Variants in CHAT observed in about 807,000 individuals in gnomAD.
CHAT encodes choline O-acetyltransferase, also known as acetyl CoA:choline O-acetyltransferase.
CHAT carries 61 observed loss-of-function variants against 76.9 expected under a neutral mutation model. The ratio of observed to expected loss-of-function variants is 0.79; its 90% CI spans 0.65 to 0.98. The LOEUF (loss-of-function observed/expected upper bound fraction) is 0.98, where lower values mean the gene tolerates loss of function less well. Among genes scored for constraint, CHAT ranks in the 50% least tolerant of loss-of-function variants. CHAT has a pLI of 0.00. For missense variants in CHAT, 946 were observed against 986.9 expected (o/e 0.96, Z 0.56); for synonymous variants, 407 against 397.4 (o/e 1.02, Z -0.29).
In CHAT at chr10:49,646,591, G is replaced by C. The variant is rs8178991; in HGVS notation, c.1198G>C (p.Asp400His). ...CGCGCCAGGAGGCGTGGAGCTCAGC[G>C]ACACCCACAGGGCACTCCAGCTCCT... ...LDAPGGVELS[D>H]THRALQLLHG... The change falls in exon 8 of 15, where the codon GAC becomes CAC. Residue 400 changes from aspartate (D) to histidine (H), a missense_variant. Coordinates refer to ENST00000337653, the MANE Select transcript of CHAT (RefSeq NM_020549.5). 1.9e-6 allele frequency: 3 copies of C among 1,614,130 alleles called. No individual in the cohort carries two copies. The highest frequency in any genetic ancestry group is 2.5e-6 in the Non-Finnish European group (3 of 1,180,054).
intron 11 of CHAT, among the ~76,000 whole-genome samples, chr10:49,652,392 T>TAAGGA (rs1187516545): frequency 6.6e-6 from 1 of 152,108 alleles, no homozygotes; most frequent in Non-Finnish European, 1.5e-5. Context: ...CCAATCTTGC[T>TAAGGA]AAGGAAATGG....
At chr10:49,632,038 G>A (rs1362644702) in intron 7 of CHAT, among the ~76,000 whole-genome samples, 2 of 152,092 alleles carry the variant, frequency 1.3e-5, no homozygotes, top group East Asian at 1.9e-4. Context: ...TTAGAAGCAG[G>A]AACAGTAGAA....
At chr10:49,630,445 T>C (rs1266747586) in intron 7 of CHAT, among the ~76,000 whole-genome samples, 1 of 152,194 alleles carries the variant, frequency 6.6e-6, no homozygotes, top group Non-Finnish European at 1.5e-5. Context: ...CTGGGCTTAC[T>C]GAGGGTCAGA....
rs1839750793 is a variant in CHAT, at chr10:49,648,417, C to A, written c.1282-90C>A. The A allele has an allele frequency of 1.2e-4, 104 of 897,402 alleles. 2 individuals carry two copies. The South Asian group carries it at 1.4e-3, about 12-fold the overall frequency. 55.6% of individuals were successfully genotyped at this position (897,402 alleles called of 1,614,324 possible). ...CTGGTGTCCCTGGAGAAGAGGTGCC[C>A]TGAGAAGCCAGGGGCCTAACCTGGG... On this transcript the variant is annotated intron_variant, in intron 8 of 14. Coordinates refer to ENST00000337653, the MANE Select transcript of CHAT (RefSeq NM_020549.5).
chr10:49,648,266 G>A (rs1301140582), intron 8 of CHAT, among the ~76,000 whole-genome samples: 1 of 152,182 alleles, frequency 6.6e-6, no homozygotes, highest in Admixed American at 6.5e-5. Context: ...CCGGGAACTT[G>A]GGGCTCCACC....
chr10:49,613,685 G>A (rs1838364784), upstream of CHAT, among the ~76,000 whole-genome samples: 1 of 152,054 alleles, frequency 6.6e-6, no homozygotes, highest in Non-Finnish European at 1.5e-5. Flanking sequence ...TATCTGGGGT[G>A]GGGGATGCTT....
rs1456031789 is a variant in CHAT, at chr10:49,614,252, G to C, written c.63G>C (p.Glu21Asp). The C allele has an allele frequency of 6.5e-7, 1 of 1,547,090 alleles. No homozygotes were observed. The highest frequency in any genetic ancestry group is 1.2e-5 in the South Asian group (1 of 83,844). The change falls in exon 1 of 15, where the codon GAG (glutamate) becomes GAC (aspartate). Residue 21 changes from glutamate (E) to aspartate (D), a missense_variant. By Grantham distance (45) the Glu-to-Asp change is conservative (BLOSUM62 2). Coordinates refer to ENST00000337653, the MANE Select transcript of CHAT (RefSeq NM_020549.5). ...LGGGGKWKRE[E>D]GGGTRGRREV... ...GAGGGGGGAAATGGAAGAGAGAGGA[G>C]GGAGGAGGTACAAGAGGAAGGAGAG...
intron 10 of CHAT, among the ~76,000 whole-genome samples, chr10:49,651,415 C>T (rs536247839): frequency 6.6e-4 from 101 of 152,324 alleles, no homozygotes; most frequent in Non-Finnish European, 1.3e-3. Context: ...CCTTGCCAGA[C>T]ACTGCTCCAG....
At position 49,614,053 on chromosome 10, in the gene CHAT, G is replaced by A; in HGVS notation, c.-137G>A. Reference sequence around the variant, plus strand: ...GTGACTGGGAAATGCTGAGCTAGGGGCAGGAGGCATGGGCGGGACAGTGTT... The same window carrying A: ...GTGACTGGGAAATGCTGAGCTAGGGACAGGAGGCATGGGCGGGACAGTGTT... On this transcript the variant is annotated 5_prime_UTR_variant, in exon 1 of 15. Transcript: ENST00000337653. 6.9e-7 allele frequency: 1 copy of A among 1,450,794 alleles called. No individual in the cohort carries two copies. The highest frequency in any genetic ancestry group is 9.3e-7 in the Non-Finnish European group (1 of 1,069,984). The allele number at this position is 1,450,794 out of a possible 1,614,324, so 89.9% of individuals were successfully genotyped here.
chr10:49,643,107 T>G (rs150690911), intron 7 of CHAT, among the ~76,000 whole-genome samples: 1 of 152,348 alleles, frequency 6.6e-6, no homozygotes. Context: ...GGTCAAGATA[T>G]TTGGTTTCTC....
chr10:49,662,566 C>A lies in CHAT; in HGVS notation c.1840-79C>A. 7.6e-6 allele frequency: 12 copies of A among 1,580,718 alleles called. No homozygotes were observed. In the South Asian group the frequency reaches 1.3e-4, roughly 18 times the overall value. Reference sequence around the variant, plus strand: ...GTGGCTGCTGGAGTCACCAGCAGTCCTGTAGACTACAGAGCAGGGAACAAG... The same window carrying A: ...GTGGCTGCTGGAGTCACCAGCAGTCATGTAGACTACAGAGCAGGGAACAAG... On this transcript the variant is annotated intron_variant, in intron 13 of 14. Coordinates refer to ENST00000337653, the MANE Select transcript of CHAT (RefSeq NM_020549.5).
chr10:49,611,004 C>G (rs763102159), upstream of CHAT: 1 of 1,613,550 alleles, frequency 6.2e-7, no homozygotes. Flanking sequence ...CCACTCCGGC[C>G]AATGCCAGCG....
rs1182700589 is a variant in CHAT, at chr10:49,666,304, G to A, written c.*1258G>A. On this transcript the variant is annotated 3_prime_UTR_variant, in exon 15 of 15. Transcript: ENST00000337653. ...CCCAGCTCCAGCTCCAGCATGGGCAGGACAGGCAGGTCAGCAGAGGCAGAG... is the reference window on the plus strand; with the variant it reads ...CCCAGCTCCAGCTCCAGCATGGGCAAGACAGGCAGGTCAGCAGAGGCAGAG... 6.6e-6 allele frequency among the ~76,000 whole-genome samples: 1 copy of A among 152,170 alleles called. No individual in the cohort carries two copies. Among genetic ancestry groups the A allele is most frequent in the Non-Finnish European group, 1.5e-5 (1 of 68,036 alleles).
At chr10:49,609,860 C>T (rs1328992053), upstream of CHAT, among the ~76,000 whole-genome samples, 2 of 151,726 alleles carry the variant, frequency 1.3e-5, no homozygotes, top group Non-Finnish European at 2.9e-5. Context: ...CGGCTCACCT[C>T]GGGGGCTTCC....
intron 7 of CHAT, among the ~76,000 whole-genome samples, chr10:49,641,706 G>A (rs1263891039): frequency 1.3e-5 from 2 of 152,250 alleles, no homozygotes; most frequent in Admixed American, 1.3e-4. Flanking sequence ...GAAGGTCTAA[G>A]CCCCTGAGAA....
chr10:49,647,422 C>T (rs532432774), intron 8 of CHAT, among the ~76,000 whole-genome samples: 1 of 152,316 alleles, frequency 6.6e-6, no homozygotes, highest in African/African-American at 2.4e-5. Flanking sequence ...ATATGATATG[C>T]CATGTAGTAT....
At chr10:49,615,120 C>T (rs1488454084) in intron 1 of CHAT, among the ~76,000 whole-genome samples, 1 of 150,250 alleles carries the variant, frequency 6.7e-6, no homozygotes, top group Non-Finnish European at 1.5e-5. Flanking sequence ...CTTCTTCAAG[C>T]TCAGGGTCCC....
chr10:49,611,567 T>A (rs1838297958), upstream of CHAT: 1 of 1,607,028 alleles, frequency 6.2e-7, no homozygotes, highest in South Asian at 1.1e-5. Context: ...CGGGCCAACC[T>A]GCCAGTGGGC....
At chr10:49,622,267 G>A (rs1328114643) in intron 5 of CHAT, 117 bp downstream of exon 5, 2 of 1,131,414 alleles carry the variant, frequency 1.8e-6, no homozygotes, top group East Asian at 2.3e-5. Flanking sequence ...CTGGCACAGA[G>A]CAGATGTCCC....
Sources: allele counts gnomAD v4.1 joint callset (sites outside exome capture counted in the v4.1 genomes callset), GRCh38; gene constraint gnomAD v4.1.1; transcripts MANE v1.5; gene names NCBI Gene and HGNC (gene_info 2026-07-23, HGNC 2026-07-21).